The following NRG3 variants were observed in gnomAD, a reference collection of about 807,000 sequenced individuals.
NRG3 encodes the protein pro-neuregulin-3, membrane-bound isoform.
In NRG3, 31 loss-of-function variants were observed where a neutral mutation model predicts 66.9. The ratio of observed to expected loss-of-function variants is 0.46; its 90% CI spans 0.35 to 0.63. NRG3 has a LOEUF of 0.63. Among genes scored for constraint, NRG3 ranks in the 20% least tolerant of loss-of-function variants. NRG3 has a pLI of 0.00. For missense variants in NRG3, 910 were observed against 878.9 expected, an observed-to-expected ratio of 1.04 and a Z score of -0.45; for synonymous variants, 393 against 359.4, an observed-to-expected ratio of 1.09 and a Z score of -1.06.
intron 2 of NRG3, among the ~76,000 whole-genome samples, chr10:82,643,986 G>T (rs1047503576): frequency 4.6e-5 from 7 of 151,970 alleles, no homozygotes; most frequent in African/African-American, 1.7e-4. Context: ...TAAAAAAGCA[G>T]ATTGGAAACC....
chr10:82,256,821 A>G (rs925034675), intron 1 of NRG3, among the ~76,000 whole-genome samples: 1 of 152,176 alleles, frequency 6.6e-6, no homozygotes, highest in Non-Finnish European at 1.5e-5. Flanking sequence ...AATTCAGCAA[A>G]ATCAATAGCT....
intron 4 of NRG3, among the ~76,000 whole-genome samples, chr10:82,871,373 G>A (rs1201844504): frequency 6.6e-6 from 1 of 150,942 alleles, no homozygotes; most frequent in African/African-American, 2.4e-5. Context: ...TTTCAACTTT[G>A]TCTTTTAATG....
At chr10:82,135,161 T>A (rs556890043) in intron 1 of NRG3, among the ~76,000 whole-genome samples, 1 of 152,078 alleles carries the variant, frequency 6.6e-6, no homozygotes, top group Non-Finnish European at 1.5e-5. Context: ...TTAAAAATTT[T>A]AATATCTTTC....
At chr10:81,882,536 GA>G (rs1178555844) in intron 1 of NRG3, among the ~76,000 whole-genome samples, 1 of 152,066 alleles carries the variant, frequency 6.6e-6, no homozygotes, top group Non-Finnish European at 1.5e-5. Context: ...CAATCTCTCT[GA>G]AGTTTAACTT....
chr10:82,909,703 G>A (rs189501774), intron 4 of NRG3, among the ~76,000 whole-genome samples: 185 of 152,272 alleles, frequency 1.2e-3, no homozygotes, highest in Admixed American at 1.8e-3. Context: ...TTTGGCTTAT[G>A]CTATGCTCTG....
intron 3 of NRG3, among the ~76,000 whole-genome samples, chr10:82,832,477 A>G (rs901169874): frequency 3.3e-5 from 5 of 152,204 alleles, no homozygotes; most frequent in Non-Finnish European, 7.3e-5. Context: ...TTCAGAAAGC[A>G]GACAGGCAAT....
intron 1 of NRG3, among the ~76,000 whole-genome samples, chr10:81,965,921 T>C (rs1363095600): frequency 6.6e-6 from 1 of 152,148 alleles, no homozygotes; most frequent in African/African-American, 2.4e-5. Flanking sequence ...TTCAGGACAG[T>C]ATTGAATAAG....
At chr10:82,186,164 A>G (rs1362711492) in intron 1 of NRG3, among the ~76,000 whole-genome samples, 1 of 152,202 alleles carries the variant, frequency 6.6e-6, no homozygotes, top group African/African-American at 2.4e-5. Flanking sequence ...TCAGAACTCC[A>G]AAGAGATTAT....
At chr10:82,135,121 CAA>C (rs199531519) in intron 1 of NRG3, among the ~76,000 whole-genome samples, 3,726 of 84,130 alleles carry the variant, frequency 0.044, 120 homozygotes, top group East Asian at 0.21. Flanking sequence ...GACTCCCTCT[CAA>C]AAAAAAAAAA....
chr10:82,469,462 A>G (rs574348514), intron 2 of NRG3, among the ~76,000 whole-genome samples: 1 of 150,744 alleles, frequency 6.6e-6, no homozygotes, highest in African/African-American at 2.5e-5. Context: ...GATGCCTCTT[A>G]GTGGTGGTGG....
intron 1 of NRG3, among the ~76,000 whole-genome samples, chr10:82,279,472 A>G (rs2079024006): frequency 6.6e-6 from 1 of 152,212 alleles, no homozygotes; most frequent in Non-Finnish European, 1.5e-5. Flanking sequence ...TTGGCTTCAC[A>G]TAACATCAAT....
rs75877412 is a variant in NRG3, at chr10:82,269,893, A to G, written c.824-88846A>G. ...ATTTCCTGCACAAGTCTGGAGCCAG[A>G]TTGAGTTAGGCTTAAATCCTAACTC... On this transcript the variant is annotated intron_variant, in intron 1 of 8. Coordinates refer to ENST00000372141, the MANE Select transcript of NRG3 (RefSeq NM_001010848.4). Among the ~76,000 whole-genome samples the G allele has an allele frequency of 4.9e-3, 740 of 152,252 alleles. 39 individuals are homozygous for G. In the East Asian group the frequency reaches 0.11, roughly 23 times the overall value.
chr10:82,377,393 A>G lies in NRG3; in HGVS notation c.953+18525A>G, dbSNP rs79445705. 2.9e-3 allele frequency among the ~76,000 whole-genome samples: 436 copies of G among 151,908 alleles called. 4 individuals carry two copies. Among genetic ancestry groups the G allele is most frequent in the African/African-American group, 0.01 (425 of 41,298 alleles). Reference sequence around the variant, plus strand: ...TGGTCCTGCAGGATGAGGGTAAGTAATCTGAGAGAAAGAGAGAGAGAGGTG... The same window carrying G: ...TGGTCCTGCAGGATGAGGGTAAGTAGTCTGAGAGAAAGAGAGAGAGAGGTG... On this transcript the variant is annotated intron_variant, in intron 2 of 8. Coordinates refer to ENST00000372141, the MANE Select transcript of NRG3 (RefSeq NM_001010848.4).
At chr10:82,280,605 G>A (rs907450794) in intron 1 of NRG3, among the ~76,000 whole-genome samples, 1 of 152,128 alleles carries the variant, frequency 6.6e-6, no homozygotes, top group Admixed American at 6.6e-5. Flanking sequence ...TGTTTTTGAT[G>A]GTCATTGTAG....
Position 82,116,805 on chromosome 10 carries a change from C to T in NRG3, c.823+240642C>T, listed in dbSNP as rs76667518. Among the ~76,000 whole-genome samples, 870 of 152,222 alleles carry T rather than the reference C, an allele frequency of 5.7e-3. 13 individuals are homozygous for T. The highest frequency in any genetic ancestry group is 0.02 in the African/African-American group (827 of 41,548). On this transcript the variant is annotated intron_variant, in intron 1 of 8. Coordinates refer to ENST00000372141, the MANE Select transcript of NRG3 (RefSeq NM_001010848.4). ...CCAGTCCATCTCCCTCATCTTCCTG[C>T]CCGATTTATAGAAGAAAGATTTGAG... is the stretch of plus-strand genomic sequence containing the variant.
chr10:82,088,994 T>A (rs552531273), intron 1 of NRG3, among the ~76,000 whole-genome samples: 3 of 150,530 alleles, frequency 2.0e-5, no homozygotes, highest in South Asian at 2.1e-4. Flanking sequence ...CAGAGAAGAT[T>A]TTTTTTTTTG....
intron 2 of NRG3, among the ~76,000 whole-genome samples, chr10:82,574,695 A>T (rs1247078750): frequency 1.3e-5 from 2 of 151,806 alleles, no homozygotes; most frequent in African/African-American, 4.8e-5. Flanking sequence ...TGTGGTATAC[A>T]TACATAATGC....
chr10:82,244,445 T>C (rs554554275), intron 1 of NRG3, among the ~76,000 whole-genome samples: 29 of 152,260 alleles, frequency 1.9e-4, no homozygotes, highest in Non-Finnish European at 5.9e-5. Context: ...TATTTTTGGG[T>C]AGTTGACCTC....
At chr10:82,393,974 C>G (rs760115391) in intron 2 of NRG3, among the ~76,000 whole-genome samples, 3 of 152,052 alleles carry the variant, frequency 2.0e-5, no homozygotes, top group Non-Finnish European at 4.4e-5. Context: ...CTTTTTATTC[C>G]AATATCCTAT....
Sources: allele counts gnomAD v4.1 joint callset (sites outside exome capture counted in the v4.1 genomes callset), GRCh38; gene constraint gnomAD v4.1.1; transcripts MANE v1.5; gene names NCBI Gene and HGNC (gene_info 2026-07-23, HGNC 2026-07-21).